Variants in WDSUB1 observed in about 807,000 individuals in gnomAD.
WDSUB1 encodes the protein WD repeat, sterile alpha motif and U-box domain containing 1.
In WDSUB1, 49 loss-of-function variants were observed where a neutral mutation model predicts 53.9. That is an observed-to-expected ratio of 0.91 (90% CI 0.72 to 1.15). WDSUB1 has a LOEUF of 1.15. Ranked by LOEUF, WDSUB1 falls within the 50% of genes most tolerant of loss-of-function variation. WDSUB1 has a pLI of 0.00. For synonymous variants in WDSUB1, 194 were observed against 200.6 expected (o/e 0.97, Z 0.28); for missense variants, 514 against 562.0 (o/e 0.91, Z 0.86).
chr2:159,266,823 G>C (rs920118696), intron 5 of WDSUB1, among the ~76,000 whole-genome samples: 2 of 152,112 alleles, frequency 1.3e-5, no homozygotes, highest in Non-Finnish European at 2.9e-5. Flanking sequence ...GCCTAGGCTG[G>C]AGTTTAGTGG....
chr2:159,276,730 A>C lies in WDSUB1; in HGVS notation c.584-1092T>G, dbSNP rs959102714. Among the ~76,000 whole-genome samples the C allele has an allele frequency of 2.0e-5, 3 of 152,234 alleles. No homozygotes were observed. The East Asian group carries it at 5.8e-4, about 29-fold the overall frequency. On this transcript the variant is annotated intron_variant, in intron 3 of 10. Transcript: ENST00000359774. ...ACTCATATGCAGTAAAGCACAATTA[A>C]GAAATTGAGGCTGGGCATGGTGGCT...
At chr2:159,255,419 A>T (rs1310779148) in intron 9 of WDSUB1, among the ~76,000 whole-genome samples, 1 of 152,168 alleles carries the variant, frequency 6.6e-6, no homozygotes, top group Non-Finnish European at 1.5e-5. Context: ...GTGAACCGAG[A>T]TCGCGCCACT....
chr2:159,275,139 T>A (rs2061514253), intron 4 of WDSUB1, among the ~76,000 whole-genome samples: 1 of 151,982 alleles, frequency 6.6e-6, no homozygotes, highest in South Asian at 2.1e-4. Flanking sequence ...ATTCCAAAAC[T>A]GTACAAAATA....
chr2:159,285,140 A>ACAG (rs2061760435), intron 1 of WDSUB1, among the ~76,000 whole-genome samples: 1 of 152,174 alleles, frequency 6.6e-6, no homozygotes, highest in Non-Finnish European at 1.5e-5. Flanking sequence ...ACCATGTAAA[A>ACAG]CTGTCAGGCA....
At chr2:159,253,957 A>C (rs1438868803) in intron 9 of WDSUB1, among the ~76,000 whole-genome samples, 1 of 152,208 alleles carries the variant, frequency 6.6e-6, no homozygotes, top group Non-Finnish European at 1.5e-5. Flanking sequence ...TGTTACAGTC[A>C]ATTTTTACTA....
At chr2:159,277,170 T>G (rs1042236313) in intron 3 of WDSUB1, among the ~76,000 whole-genome samples, 1 of 152,212 alleles carries the variant, frequency 6.6e-6, no homozygotes, top group Non-Finnish European at 1.5e-5. Flanking sequence ...TTAAATTCCA[T>G]TTCACTGAAA....
At chr2:159,249,184 G>C (rs1046292120) in intron 9 of WDSUB1, among the ~76,000 whole-genome samples, 2 of 152,076 alleles carry the variant, frequency 1.3e-5, no homozygotes, top group Non-Finnish European at 2.9e-5. Context: ...AAATATGTTT[G>C]AGTTCAAAAC....
At chr2:159,258,596 T>G (rs1232662630) in intron 6 of WDSUB1, among the ~76,000 whole-genome samples, 1 of 152,000 alleles carries the variant, frequency 6.6e-6, no homozygotes, top group African/African-American at 2.4e-5. Flanking sequence ...GAGGCAGAGG[T>G]TGCAGTGAGC....
intron 5 of WDSUB1, among the ~76,000 whole-genome samples, chr2:159,269,020 A>G (rs1350695965): frequency 5.9e-5 from 9 of 152,190 alleles, no homozygotes. Context: ...CATAAATACA[A>G]AAGAGAGAAT....
chr2:159,270,701 G>A (rs2061429077), intron 5 of WDSUB1, among the ~76,000 whole-genome samples: 1 of 152,112 alleles, frequency 6.6e-6, no homozygotes, highest in Admixed American at 6.6e-5. Context: ...AACAATGAAG[G>A]TCTTAGAATA....
intron 10 of WDSUB1, among the ~76,000 whole-genome samples, chr2:159,247,928 A>ATATATATATATATATATAAATATAT: frequency 1.5e-5 from 1 of 67,692 alleles, no homozygotes; most frequent in East Asian, 4.5e-4. Context: ...TATATATATA[A>ATATATATATATATATATAAATATAT]ATATATATAT....
Position 159,265,293 on chromosome 2 carries a change from C to CCACACACACA in WDSUB1, c.771-5460_771-5451dup, listed in dbSNP as rs75210001. ...CTTATCTCTAAAGCAAGCACACACA[C>CCACACACACA]CACACACACACACACACACACACAC... is the stretch of plus-strand genomic sequence containing the variant. On this transcript the variant is annotated intron_variant, in intron 5 of 10. Transcript: ENST00000359774. Among the ~76,000 whole-genome samples, 793 of 149,458 alleles carry CCACACACACA rather than the reference C, an allele frequency of 5.3e-3. 7 individuals are homozygous for CCACACACACA. Among genetic ancestry groups the CCACACACACA allele is most frequent in the Non-Finnish European group, 9.0e-3 (606 of 67,230 alleles).
chr2:159,243,324 C>G (rs2060709680), intron 10 of WDSUB1, among the ~76,000 whole-genome samples: 1 of 147,468 alleles, frequency 6.8e-6, no homozygotes, highest in African/African-American at 2.7e-5. Flanking sequence ...GTAGGGAGAT[C>G]ATGGGTCCAG....
At chr2:159,280,332 TA>T (rs2061628697) in intron 2 of WDSUB1, among the ~76,000 whole-genome samples, 1 of 152,200 alleles carries the variant, frequency 6.6e-6, no homozygotes, top group African/African-American at 2.4e-5. Context: ...AAAGGTAAGA[TA>T]AAACTATTTT....
chr2:159,257,708 C>G (rs780770631), intron 8 of WDSUB1, 50 bp downstream of exon 8: 1 of 1,526,360 alleles, frequency 6.6e-7, no homozygotes, highest in Non-Finnish European at 9.1e-7. Context: ...ACTTTCTGAC[C>G]CTAATGGTGA....
intron 10 of WDSUB1, among the ~76,000 whole-genome samples, chr2:159,244,936 G>A (rs957228382): frequency 5.9e-5 from 9 of 152,020 alleles, no homozygotes; most frequent in African/African-American, 1.9e-4. Context: ...TCTCTAAAAA[G>A]TAAAAATTTA....
rs149727981 is a variant in WDSUB1 at position 159,239,735 on chromosome 2, C to T, written c.1274-3545G>A. 4.1e-3 allele frequency among the ~76,000 whole-genome samples: 622 copies of T among 152,246 alleles called. 8 individuals carry two copies. Among genetic ancestry groups the T allele is most frequent in the African/African-American group, 0.014 (587 of 41,532 alleles). ...CCCTGGAGTTTAAGACCAGCCTGGG[C>T]GACATGGTGAAACCCCAGATCTGGA... On this transcript the variant is annotated intron_variant, in intron 10 of 10. Coordinates refer to ENST00000359774, the MANE Select transcript of WDSUB1 (RefSeq NM_001128212.3).
chr2:159,251,807 AAACTC>A (rs1304469776), intron 9 of WDSUB1, among the ~76,000 whole-genome samples: 1 of 152,208 alleles, frequency 6.6e-6, no homozygotes, highest in African/African-American at 2.4e-5. Flanking sequence ...ACGGATATAA[AAACTC>A]AACCCCAAAA....
At chr2:159,265,123 C>CAACAACAAA (rs1259389112) in intron 5 of WDSUB1, among the ~76,000 whole-genome samples, 8 of 146,372 alleles carry the variant, frequency 5.5e-5, no homozygotes, top group African/African-American at 2.0e-4. Context: ...ACAACAACAA[C>CAACAACAAA]AAAAAAAAAC....
Sources: allele counts gnomAD v4.1 joint callset (sites outside exome capture counted in the v4.1 genomes callset), GRCh38; gene constraint gnomAD v4.1.1; transcripts MANE v1.5; gene names NCBI Gene and HGNC (gene_info 2026-07-23, HGNC 2026-07-21).